Variants in CTIF observed in about 807,000 individuals in gnomAD.
The protein encoded by CTIF is cap binding complex dependent translation initiation factor.
Under a neutral mutation model 66.0 loss-of-function variants are expected in CTIF, and 21 were observed. The ratio of observed to expected loss-of-function variants is 0.32; its 90% CI spans 0.23 to 0.46. The LOEUF (loss-of-function observed/expected upper bound fraction) is 0.46. Ranked by LOEUF, CTIF falls within the 20% of genes least tolerant of loss-of-function variation. The pLI is 1.00. For missense variants in CTIF, 739 were observed against 812.7 expected (o/e 0.91, Z 1.10); for synonymous variants, 345 against 326.4 (o/e 1.06, Z -0.62).
chr18:48,723,420 A>G (rs1001100733), intron 7 of CTIF, among the ~76,000 whole-genome samples: 4 of 152,042 alleles, frequency 2.6e-5, no homozygotes, highest in Admixed American at 1.3e-4. Flanking sequence ...CCTTCTCCCC[A>G]CCTGCACTAG....
chr18:48,728,739 TGAGAGA>T (rs138125305), intron 7 of CTIF, among the ~76,000 whole-genome samples: 24 of 139,202 alleles, frequency 1.7e-4, no homozygotes, highest in Admixed American at 9.4e-4. Flanking sequence ...AGGGGGAGAG[TGAGAGA>T]GAGAGAGAGA....
chr18:48,721,532 G>A (rs917556703), intron 7 of CTIF, among the ~76,000 whole-genome samples: 1 of 152,190 alleles, frequency 6.6e-6, no homozygotes, highest in African/African-American at 2.4e-5. Flanking sequence ...AGTGTGTCTG[G>A]TGGGCAGCCC....
chr18:48,821,545 G>T (rs1204135295), intron 10 of CTIF, among the ~76,000 whole-genome samples: 1 of 152,222 alleles, frequency 6.6e-6, no homozygotes, highest in East Asian at 1.9e-4. Flanking sequence ...CACCTATATG[G>T]TAGGATCCCA....
At chr18:48,852,233 T>TGAAAAAAA (rs2069219571) in intron 10 of CTIF, among the ~76,000 whole-genome samples, 1 of 66,596 alleles carries the variant, frequency 1.5e-5, no homozygotes, top group Non-Finnish European at 2.8e-5. Flanking sequence ...GACCCTGTCT[T>TGAAAAAAA]AAAAAAAAAA....
intron 10 of CTIF, among the ~76,000 whole-genome samples, chr18:48,832,868 T>G (rs1376291904): frequency 6.6e-6 from 1 of 152,226 alleles, no homozygotes; most frequent in Non-Finnish European, 1.5e-5. Context: ...CTCTAGAAAT[T>G]GAACAGTAGG....
intron 3 of CTIF, among the ~76,000 whole-genome samples, chr18:48,650,209 C>T (rs1307362001): frequency 6.6e-6 from 1 of 152,180 alleles, no homozygotes; most frequent in Non-Finnish European, 1.5e-5. Flanking sequence ...TTGAACCCAT[C>T]ATAAGGAAGC....
At chr18:48,810,574 T>G (rs1175751699) in intron 9 of CTIF, among the ~76,000 whole-genome samples, 1 of 152,072 alleles carries the variant, frequency 6.6e-6, no homozygotes, top group Non-Finnish European at 1.5e-5. Flanking sequence ...CAGCTTACTA[T>G]GAAGCTTGTT....
At chr18:48,798,230 C>T (rs1162735876) in intron 9 of CTIF, among the ~76,000 whole-genome samples, 1 of 152,108 alleles carries the variant, frequency 6.6e-6, no homozygotes, top group African/African-American at 2.4e-5. Context: ...TCCAAGGAAC[C>T]CTCAAATAAG....
chr18:48,723,065 G>T (rs925399555), intron 7 of CTIF, among the ~76,000 whole-genome samples: 2 of 152,208 alleles, frequency 1.3e-5, no homozygotes, highest in Non-Finnish European at 2.9e-5. Flanking sequence ...GATGAGGAAA[G>T]TCACTAGTCC....
chr18:48,632,628 TCTTTAGCCTG>T, intron 2 of CTIF, among the ~76,000 whole-genome samples: 1 of 152,140 alleles, frequency 6.6e-6, no homozygotes, highest in Non-Finnish European at 1.5e-5. Flanking sequence ...GTCTCTGAGT[TCTTTAGCCTG>T]ACAGCCGCCA....
At position 48,700,104 on chromosome 18, in the gene CTIF, G is replaced by A. The variant is rs193097810; in HGVS notation, c.508-11515G>A. ...TAATAATTGCCACGTGTCAAGGGCT[G>A]GGCCAGGTGGGGATAATTGAAGGGA... On this transcript the variant is annotated intron_variant, in intron 6 of 11. Coordinates refer to ENST00000256413, the MANE Select transcript of CTIF (RefSeq NM_014772.3). Among the ~76,000 whole-genome samples the A allele has an allele frequency of 6.0e-3, 919 of 152,336 alleles. 5 individuals carry two copies. The highest frequency in any genetic ancestry group is 8.1e-3 in the Non-Finnish European group (548 of 68,018).
At chr18:48,630,292 G>A (rs172500) in intron 2 of CTIF, among the ~76,000 whole-genome samples, 58,435 of 151,894 alleles carry the variant, frequency 0.38, 14,022 homozygotes, top group African/African-American at 0.68. Context: ...GGATCCCTCA[G>A]GGTTGGGGGG....
At chr18:48,807,694 C>T (rs2068178935) in intron 9 of CTIF, among the ~76,000 whole-genome samples, 1 of 151,724 alleles carries the variant, frequency 6.6e-6, no homozygotes, top group Non-Finnish European at 1.5e-5. Context: ...ATTCTCCTAC[C>T]TCAGCCTCCT....
Position 48,838,487 on chromosome 18 carries a change from T to C in CTIF, c.1528-19101T>C, listed in dbSNP as rs552883798. On this transcript the variant is annotated intron_variant, in intron 10 of 11. Coordinates refer to ENST00000256413, the MANE Select transcript of CTIF (RefSeq NM_014772.3). ...AAATCTGAGGAAATATATAGATTGA[T>C]TTTTGTCCGCCCCCCTGAAACGAGT... Among the ~76,000 whole-genome samples the C allele has an allele frequency of 9.9e-5, 15 of 152,184 alleles. No individual in the cohort carries two copies. The South Asian group carries it at 2.9e-3, about 29-fold the overall frequency.
At chr18:48,548,986 AT>A (rs149460912) in intron 1 of CTIF, among the ~76,000 whole-genome samples, 1,518 of 148,858 alleles carry the variant, frequency 0.01, 20 homozygotes, top group African/African-American at 0.033. Context: ...ATGACTGTGA[AT>A]TTTTTTTTTT....
intron 1 of CTIF, among the ~76,000 whole-genome samples, chr18:48,588,665 T>C (rs1350467344): frequency 6.6e-6 from 1 of 151,754 alleles, no homozygotes; most frequent in African/African-American, 2.4e-5. Context: ...CCTGGCTGCA[T>C]CTTCTGAGGT....
At chr18:48,601,913 G>A (rs2090097322) in intron 1 of CTIF, among the ~76,000 whole-genome samples, 1 of 152,232 alleles carries the variant, frequency 6.6e-6, no homozygotes, top group Non-Finnish European at 1.5e-5. Flanking sequence ...TCATATCATA[G>A]CTCTGTGGGT....
intron 1 of CTIF, among the ~76,000 whole-genome samples, chr18:48,547,972 T>G (rs1450730583): frequency 1.3e-5 from 2 of 152,196 alleles, no homozygotes; most frequent in African/African-American, 4.8e-5. Flanking sequence ...GGGAATCCCA[T>G]GCAGGGAGCT....
chr18:48,859,194 C>A, intron 11 of CTIF, 150 bp from the exon 12 acceptor site: 2 of 696,966 alleles, frequency 2.9e-6, no homozygotes, highest in East Asian at 2.6e-5. Context: ...TTCCACTCTC[C>A]CTGTCCTCAT....
Sources: gnomAD v4.1 joint callset for allele counts (sites outside exome capture counted in the v4.1 genomes callset) on GRCh38, gnomAD v4.1.1 for gene constraint, MANE v1.5 for transcripts, NCBI Gene and HGNC (gene_info 2026-07-23, HGNC 2026-07-21) for gene names.